Variants in FBLN2 observed in about 807,000 individuals in gnomAD.
FBLN2 encodes fibulin 2.
FBLN2 carries 81 observed loss-of-function variants against 123.7 expected under a neutral mutation model. The ratio of observed to expected loss-of-function variants is 0.65; its 90% CI spans 0.55 to 0.79. The LOEUF (loss-of-function observed/expected upper bound fraction) is 0.79. Ranked by LOEUF, FBLN2 falls within the 30% of genes least tolerant of loss-of-function variation. The pLI is 0.00. For synonymous variants in FBLN2, 699 were observed against 701.4 expected (o/e 1.00, Z 0.05); for missense variants, 1,603 against 1,681.3 (o/e 0.95, Z 0.81).
At chr3:13,574,290 A>G (rs2124830122) in intron 2 of FBLN2, among the ~76,000 whole-genome samples, 1 of 152,276 alleles carries the variant, frequency 6.6e-6, no homozygotes, top group East Asian at 1.9e-4. Context: ...GGCTGTGCTG[A>G]GAGGCCTTCT....
intron 2 of FBLN2, among the ~76,000 whole-genome samples, chr3:13,598,678 G>T (rs1209362539): frequency 6.6e-6 from 1 of 152,172 alleles, no homozygotes; most frequent in Non-Finnish European, 1.5e-5. Flanking sequence ...ATTTCACCCA[G>T]CCCCAGATTT....
rs1443553297 is a variant in FBLN2, at chr3:13,571,013, G to A, written c.658G>A (p.Ala220Thr). 6.3e-7 allele frequency: 1 copy of A among 1,591,264 alleles called. No homozygotes were observed. The highest frequency in any genetic ancestry group is 8.6e-7 in the Non-Finnish European group (1 of 1,169,382). Residue 220 changes from alanine to threonine, a missense_variant, in exon 2 of 18, where the codon GCA (alanine) becomes ACA (threonine). Coordinates refer to ENST00000404922, the MANE Select transcript of FBLN2 (RefSeq NM_001004019.2). ...TALGGEVQAG[A>T]VQAGAGGPPA... ...CCTGGGGGGTGAGGTCCAGGCGGGTGCAGTCCAGGCAGGCGCAGGGGGCCC... is the reference window on the plus strand; with the variant it reads ...CCTGGGGGGTGAGGTCCAGGCGGGTACAGTCCAGGCAGGCGCAGGGGGCCC...
At chr3:13,580,542 A>G (rs1704292117) in intron 2 of FBLN2, among the ~76,000 whole-genome samples, 1 of 152,146 alleles carries the variant, frequency 6.6e-6, no homozygotes, top group Admixed American at 6.5e-5. Flanking sequence ...AGTGCTAAAG[A>G]GGAAATTAAG....
intron 2 of FBLN2, among the ~76,000 whole-genome samples, chr3:13,590,795 G>A (rs1704649881): frequency 6.6e-6 from 1 of 152,184 alleles, no homozygotes; most frequent in Admixed American, 6.5e-5. Context: ...TCCATTGTAG[G>A]AATAAATCAT....
rs190190179 is a variant in FBLN2 at position 13,609,571 on chromosome 3, G to A, written c.1477G>A (p.Val493Ile). Residue 493 changes from valine to isoleucine, a missense_variant, in exon 4 of 18, where the codon GTC (valine) becomes ATC (isoleucine). Transcript: ENST00000404922. ...YLQEKSCMAG[V>I]LGAKEGETCG... The stretch of plus-strand genomic sequence containing the variant: ...GCAGGAGAAGAGCTGCATGGCCGGC[G>A]TCCTGGGAGCCAAGGAGGGTGAGAC... 8.8e-5 allele frequency: 137 copies of A among 1,558,950 alleles called. 1 individual carries two copies. The East Asian group carries it at 2.5e-3, about 28-fold the overall frequency.
intron 9 of FBLN2, among the ~76,000 whole-genome samples, chr3:13,624,542 G>A (rs1705959362): frequency 6.6e-6 from 1 of 152,194 alleles, no homozygotes; most frequent in African/African-American, 2.4e-5. Context: ...GCCTGGCCTG[G>A]ACACTGTTTG....
chr3:13,595,767 A>T (rs1179050128), intron 2 of FBLN2, among the ~76,000 whole-genome samples: 1 of 152,232 alleles, frequency 6.6e-6, no homozygotes, highest in African/African-American at 2.4e-5. Context: ...TGACCTCTGC[A>T]CTGGATTGTT....
chr3:13,582,635 C>T lies in FBLN2; in HGVS notation c.1306+10974C>T, dbSNP rs866443478. Among the ~76,000 whole-genome samples the T allele has an allele frequency of 1.2e-4, 18 of 152,240 alleles. No homozygotes were observed. In the South Asian group the frequency reaches 2.7e-3, roughly 23 times the overall value. ...AGAGTGAATTCCTGCCTCTGCCGCT[C>T]GTGGCTGTGTGACCTCAGGCAAGCG... On this transcript the variant is annotated intron_variant, in intron 2 of 17. Transcript: ENST00000404922.
chr3:13,630,881 C>T (rs1706232480), intron 15 of FBLN2, 66 bp downstream of exon 15: 8 of 1,254,512 alleles, frequency 6.4e-6, no homozygotes, highest in South Asian at 5.2e-5. Context: ...CCAGGCTCCC[C>T]GAGAGTCCCT....
chr3:13,549,515 G>C (rs1033755945), intron 1 of FBLN2, among the ~76,000 whole-genome samples: 1 of 151,826 alleles, frequency 6.6e-6, no homozygotes, highest in African/African-American at 2.4e-5. Flanking sequence ...TCCGCTCTGG[G>C]TTTCACTTCT....
rs549749793 is a variant in FBLN2, at chr3:13,618,104, G to A, written c.1758G>A (p.Glu586=). The A allele has an allele frequency of 1.5e-5, 24 of 1,613,422 alleles. No homozygotes were observed. The South Asian group carries it at 2.5e-4, about 17-fold the overall frequency. ...RVSEAEMAGR[E]ALSLGTEAEL... is the part of the protein sequence containing the mutation. ...CAGAGGCAGAGATGGCGGGCCGAGA[G>A]GCCCTGTCACTGGGCACAGAGGCCG... Residue 586 remains glutamate, a synonymous_variant, in exon 6 of 18, where the codon GAG becomes GAA. Coordinates refer to ENST00000404922, the MANE Select transcript of FBLN2 (RefSeq NM_001004019.2).
At chr3:13,602,337 T>G (rs1705059733) in intron 2 of FBLN2, among the ~76,000 whole-genome samples, 1 of 152,246 alleles carries the variant, frequency 6.6e-6, no homozygotes, top group Non-Finnish European at 1.5e-5. Context: ...AACTTTGAAG[T>G]GTATTCTGAT....
intron 1 of FBLN2, among the ~76,000 whole-genome samples, chr3:13,564,646 G>A (rs1703692097): frequency 6.6e-6 from 1 of 152,202 alleles, no homozygotes; most frequent in Non-Finnish European, 1.5e-5. Context: ...AACTGGAGGT[G>A]GGAAGACCTT....
At chr3:13,566,126 C>A (rs1163850372) in intron 1 of FBLN2, among the ~76,000 whole-genome samples, 1 of 150,884 alleles carries the variant, frequency 6.6e-6, no homozygotes, top group East Asian at 1.9e-4. Flanking sequence ...GCTCTGACTG[C>A]TGGGACTGTC....
At chr3:13,584,036 A>C (rs1182073732) in intron 2 of FBLN2, among the ~76,000 whole-genome samples, 1 of 152,162 alleles carries the variant, frequency 6.6e-6, no homozygotes, top group Admixed American at 6.5e-5. Context: ...AGCTTGTTGG[A>C]AAGTGGGGGC....
In FBLN2 at chr3:13,630,602, C is replaced by T. The variant is rs111305769; in HGVS notation, c.2969-97C>T. 2.1e-4 allele frequency: 207 copies of T among 1,007,208 alleles called. 1 individual carries two copies. Among genetic ancestry groups the T allele is most frequent in the East Asian group, 3.2e-4 (12 of 37,814 alleles). The allele number at this position is 1,007,208 out of a possible 1,614,324, so 62.4% of individuals were successfully genotyped here. Reference sequence around the variant, plus strand: ...CGCATAGGTCAACCCCAGTCCAGGCCGGGGAGCTTGGTGGGCCTGGCTGTC... The same window carrying T: ...CGCATAGGTCAACCCCAGTCCAGGCTGGGGAGCTTGGTGGGCCTGGCTGTC... On this transcript the variant is annotated intron_variant, in intron 14 of 17. Transcript: ENST00000404922.
chr3:13,569,851 G>A (rs867677618), intron 1 of FBLN2, among the ~76,000 whole-genome samples: 13 of 152,198 alleles, frequency 8.5e-5, no homozygotes, highest in South Asian at 2.1e-4. Flanking sequence ...GTGTGAGACC[G>A]CCCAGGGTGT....
intron 5 of FBLN2, among the ~76,000 whole-genome samples, chr3:13,617,129 C>T (rs1158168958): frequency 1.4e-5 from 2 of 140,108 alleles, no homozygotes; most frequent in Non-Finnish European, 3.1e-5. Flanking sequence ...CATTCATTTG[C>T]CCATCCATTC....
intron 1 of FBLN2, among the ~76,000 whole-genome samples, chr3:13,562,014 C>T (rs1186225723): frequency 6.6e-6 from 1 of 152,180 alleles, no homozygotes; most frequent in African/African-American, 2.4e-5. Flanking sequence ...ATTGTGTTGG[C>T]ACTGAGGAAG....
Sources: allele counts gnomAD v4.1 joint callset (sites outside exome capture counted in the v4.1 genomes callset), GRCh38; gene constraint gnomAD v4.1.1; transcripts MANE v1.5; gene names NCBI Gene and HGNC (gene_info 2026-07-23, HGNC 2026-07-21).